SLC35A3: variants seen among roughly 807,000 people sequenced by gnomAD.
The protein encoded by SLC35A3 is UDP-N-acetylglucosamine transporter.
In SLC35A3, 26 loss-of-function variants were observed where a neutral mutation model predicts 39.0. The ratio of observed to expected loss-of-function variants is 0.67; its 90% CI spans 0.49 to 0.92. The LOEUF (loss-of-function observed/expected upper bound fraction) is 0.92, where lower values mean the gene tolerates loss of function less well. Ranked by LOEUF, SLC35A3 falls within the 40% of genes least tolerant of loss-of-function variation. SLC35A3 has a pLI of 0.00. For missense variants in SLC35A3, 299 were observed against 371.6 expected (o/e 0.80, Z 1.61); for synonymous variants, 135 against 133.1 (o/e 1.01, Z -0.10).
chr1:100,020,622 A>G (rs1362468583), intron 7 of SLC35A3, among the ~76,000 whole-genome samples: 1 of 152,208 alleles, frequency 6.6e-6, no homozygotes, highest in African/African-American at 2.4e-5. Flanking sequence ...TGAGCTCCCT[A>G]TATATGCTAG....
chr1:99,984,680 A>G (rs1413185524), intron 1 of SLC35A3, among the ~76,000 whole-genome samples: 1 of 152,218 alleles, frequency 6.6e-6, no homozygotes, highest in Non-Finnish European at 1.5e-5. Context: ...TAGTAGTTAT[A>G]CTAGTTTACA....
At chr1:99,984,652 T>G (rs1321857639) in intron 1 of SLC35A3, among the ~76,000 whole-genome samples, 4 of 152,232 alleles carry the variant, frequency 2.6e-5, no homozygotes, top group Non-Finnish European at 4.4e-5. Context: ...CTTTAAGGAA[T>G]CTCCACATTG....
intron 1 of SLC35A3, among the ~76,000 whole-genome samples, chr1:99,974,063 TA>T (rs1656970266): frequency 6.6e-6 from 1 of 151,030 alleles, no homozygotes; most frequent in African/African-American, 2.4e-5. Context: ...TCATGTCAGA[TA>T]AAATGCTAAG....
chr1:100,005,782 TG>T (rs1159853785), intron 3 of SLC35A3, among the ~76,000 whole-genome samples: 1 of 152,230 alleles, frequency 6.6e-6, no homozygotes, highest in Non-Finnish European at 1.5e-5. Context: ...TGTGTTCTCT[TG>T]TATCTCACTA....
chr1:100,022,281 C>A, intron 7 of SLC35A3, 105 bp from the exon 8 acceptor site: 1 of 598,960 alleles, frequency 1.7e-6, no homozygotes, highest in East Asian at 3.0e-5. Context: ...GTTACTGGAA[C>A]ATTTTTCCCC....
At chr1:99,981,548 C>T (rs979335021) in intron 1 of SLC35A3, among the ~76,000 whole-genome samples, 5 of 151,944 alleles carry the variant, frequency 3.3e-5, no homozygotes, top group East Asian at 1.9e-4. Context: ...AGCGGGATTT[C>T]GGCTCACTGC....
intron 3 of SLC35A3, among the ~76,000 whole-genome samples, chr1:100,003,051 C>G (rs1293740458): frequency 1.3e-5 from 2 of 151,984 alleles, no homozygotes; most frequent in African/African-American, 4.8e-5. Context: ...CTGTAAACTT[C>G]CCTTTTGTCA....
At chr1:99,982,039 GTGT>G (rs2101059553) in intron 1 of SLC35A3, among the ~76,000 whole-genome samples, 1 of 136,734 alleles carries the variant, frequency 7.3e-6, no homozygotes, top group African/African-American at 2.7e-5. Context: ...GAGTCTTGCT[GTGT>G]TGCCCAGGCT....
intron 5 of SLC35A3, among the ~76,000 whole-genome samples, chr1:100,013,545 C>T (rs780365963): frequency 2.6e-5 from 4 of 151,206 alleles, no homozygotes; most frequent in African/African-American, 9.7e-5. Flanking sequence ...TCCAAGAAGT[C>T]GAGGCTGCAG....
At chr1:99,974,307 A>G (rs1656983924) in intron 1 of SLC35A3, among the ~76,000 whole-genome samples, 1 of 152,222 alleles carries the variant, frequency 6.6e-6, no homozygotes, top group Non-Finnish European at 1.5e-5. Context: ...CCTTAATCAT[A>G]ACCACCCTAC....
rs139086796 is a variant in SLC35A3, at chr1:100,018,130, T to A, written c.887+315T>A. Among the ~76,000 whole-genome samples the A allele has an allele frequency of 4.7e-3, 710 of 152,318 alleles. 4 individuals are homozygous for A. The highest frequency in any genetic ancestry group is 0.015 in the African/African-American group (641 of 41,570). ...AAAATAAGTCATGTAATGACATTTT[T>A]AAAATACGGAATTTACATGACTTCC... is the stretch of plus-strand genomic sequence containing the variant. On this transcript the variant is annotated intron_variant, in intron 7 of 7. Transcript: ENST00000533028.
intron 7 of SLC35A3, 94 bp downstream of exon 7, chr1:100,017,909 T>C: frequency 1.6e-6 from 1 of 632,100 alleles, no homozygotes; most frequent in Non-Finnish European, 2.6e-6. Flanking sequence ...GAAGAAGCAC[T>C]GAAATATAAT....
Position 100,035,298 on chromosome 1 carries a change from T to A in SLC35A3, c.*12822T>A, listed in dbSNP as rs1661440052. On this transcript the variant is annotated 3_prime_UTR_variant, in exon 8 of 8. Coordinates refer to ENST00000533028, the MANE Select transcript of SLC35A3 (RefSeq NM_012243.3). ...TGGGATTTAAAAAATATTTTTATTCTGAGGATAGTTGAATCCACAGGATAC... is the reference window on the plus strand; with the variant it reads ...TGGGATTTAAAAAATATTTTTATTCAGAGGATAGTTGAATCCACAGGATAC... The A allele has an allele frequency of 2.0e-5, 3 of 152,256 alleles. No individual in the cohort carries two copies. Among genetic ancestry groups the A allele is most frequent in the African/African-American group, 2.4e-5 (1 of 41,470 alleles). 9.4% of individuals were successfully genotyped at this position (152,256 alleles called of 1,614,324 possible). A position where few individuals can be genotyped will look rare whatever the true frequency, so the allele number is the denominator to read the frequency against.
At chr1:100,021,783 G>A (rs1034114679) in intron 7 of SLC35A3, among the ~76,000 whole-genome samples, 1 of 152,142 alleles carries the variant, frequency 6.6e-6, no homozygotes, top group Non-Finnish European at 1.5e-5. Context: ...GGATAAAGAG[G>A]AAACCAAGAA....
chr1:99,993,077 C>G (rs1658182750), intron 1 of SLC35A3: 1 of 153,294 alleles, frequency 6.5e-6, no homozygotes, highest in Non-Finnish European at 1.5e-5. Context: ...CTCTTGCCTT[C>G]TCAGGCCTTT....
rs558257971 is a variant in SLC35A3 at position 100,028,517 on chromosome 1, G to C, written c.*6041G>C. On this transcript the variant is annotated 3_prime_UTR_variant, in exon 8 of 8. Transcript: ENST00000533028. ...GATTTTTGTATTTTTTTGTAGAGAT[G>C]GGGTTTTGCCATGTTGCCCGGATTG... 2.6e-3 allele frequency: 394 copies of C among 151,458 alleles called. No homozygotes were observed. The highest frequency in any genetic ancestry group is 4.8e-3 in the Non-Finnish European group (327 of 68,010). The allele number at this position is 151,458 out of a possible 1,614,324, so 9.4% of individuals were successfully genotyped here.
chr1:100,011,713 T>TATTC (rs1242230874), intron 5 of SLC35A3, among the ~76,000 whole-genome samples, 180 bp downstream of exon 5: 2 of 138,876 alleles, frequency 1.4e-5, no homozygotes, highest in Admixed American at 1.4e-4. Flanking sequence ...TTTATTTATT[T>TATTC]ATTTATTTAT....
rs967120631 is a variant in SLC35A3, at chr1:99,983,181, G to GGT, written c.-18-10343_-18-10342dup. ...AGATTAATAGAATTGTGTGTGTGTG[G>GGT]GTGTGTGTGTGTGTTTCAGAACTGG... On this transcript the variant is annotated intron_variant, in intron 1 of 7. Coordinates refer to ENST00000533028, the MANE Select transcript of SLC35A3 (RefSeq NM_012243.3). 2.5e-4 allele frequency among the ~76,000 whole-genome samples: 38 copies of GGT among 151,490 alleles called. 1 individual carries two copies. Among genetic ancestry groups the GGT allele is most frequent in the Admixed American group, 2.2e-3 (33 of 15,192 alleles).
chr1:100,018,565 T>G (rs979494039), intron 7 of SLC35A3, among the ~76,000 whole-genome samples: 1 of 152,166 alleles, frequency 6.6e-6, no homozygotes, highest in African/African-American at 2.4e-5. Context: ...GATCTCAGTT[T>G]GTCACCCAGG....
Sources: gnomAD v4.1 joint callset for allele counts (sites outside exome capture counted in the v4.1 genomes callset) on GRCh38, gnomAD v4.1.1 for gene constraint, MANE v1.5 for transcripts, NCBI Gene and HGNC (gene_info 2026-07-23, HGNC 2026-07-21) for gene names.